The following PCDH9 variants were observed in gnomAD, a reference collection of about 807,000 sequenced individuals.
PCDH9 encodes the protein protocadherin-9.
PCDH9 carries 24 observed loss-of-function variants against 70.6 expected under a neutral mutation model. That is an observed-to-expected ratio of 0.34 (90% CI 0.25 to 0.48). The LOEUF (loss-of-function observed/expected upper bound fraction) is 0.48. Ranked by LOEUF, PCDH9 falls within the 20% of genes least tolerant of loss-of-function variation. PCDH9 has a pLI of 0.99. For synonymous variants in PCDH9, 562 were observed against 558.5 expected, an observed-to-expected ratio of 1.01 and a Z score of -0.09; for missense variants, 1,281 against 1,503.6, an observed-to-expected ratio of 0.85 and a Z score of 2.45.
chr13:66,608,637 C>A (rs946245081), intron 4 of PCDH9, among the ~76,000 whole-genome samples: 4 of 151,722 alleles, frequency 2.6e-5, no homozygotes, highest in African/African-American at 9.7e-5. Context: ...ACCCTAAAGG[C>A]TAATAGAAGA....
intron 3 of PCDH9, among the ~76,000 whole-genome samples, chr13:66,813,038 A>G (rs1035639174): frequency 2.6e-5 from 4 of 152,198 alleles, no homozygotes; most frequent in Non-Finnish European, 5.9e-5. Flanking sequence ...CCTCACACCC[A>G]TGAGTGCAAA....
intron 2 of PCDH9, among the ~76,000 whole-genome samples, chr13:66,932,659 C>CATATATATATATATATATATATAT (rs199791250): frequency 1.4e-3 from 178 of 130,278 alleles, no homozygotes; most frequent in South Asian, 7.3e-3. Flanking sequence ...TAAATCCTCA[C>CATATATATATATATATATATATAT]ATATATATAT....
At chr13:66,419,716 A>T in intron 4 of PCDH9, among the ~76,000 whole-genome samples, 1 of 151,894 alleles carries the variant, frequency 6.6e-6, no homozygotes, top group East Asian at 1.9e-4. Flanking sequence ...TTCAAGCACA[A>T]AACTGGGCAG....
chr13:66,722,273 G>A (rs1325053586), intron 3 of PCDH9, among the ~76,000 whole-genome samples: 1 of 152,108 alleles, frequency 6.6e-6, no homozygotes, highest in Non-Finnish European at 1.5e-5. Flanking sequence ...ATAATTGTAT[G>A]GTTAGAACAT....
chr13:66,713,549 A>G (rs1273157108), intron 3 of PCDH9, among the ~76,000 whole-genome samples: 2 of 149,040 alleles, frequency 1.3e-5, no homozygotes, highest in Non-Finnish European at 3.0e-5. Flanking sequence ...ATTCTTTAAG[A>G]TCATCTCTGC....
At chr13:66,854,982 A>C (rs1004633584) in intron 3 of PCDH9, among the ~76,000 whole-genome samples, 5 of 152,094 alleles carry the variant, frequency 3.3e-5, no homozygotes, top group African/African-American at 1.2e-4. Flanking sequence ...GCTTGAGGTG[A>C]CTTTATAGAA....
At chr13:66,823,599 C>A (rs1239137581) in intron 3 of PCDH9, among the ~76,000 whole-genome samples, 1 of 151,946 alleles carries the variant, frequency 6.6e-6, no homozygotes, top group Non-Finnish European at 1.5e-5. Flanking sequence ...TCTCCTAGGA[C>A]ATCTTTATAT....
chr13:66,691,243 G>T (rs2078480744), intron 3 of PCDH9, among the ~76,000 whole-genome samples: 1 of 151,964 alleles, frequency 6.6e-6, no homozygotes, highest in East Asian at 1.9e-4. Context: ...TCACCATGTT[G>T]GTCAGGCTGG....
chr13:66,861,530 T>C (rs2081484372), intron 3 of PCDH9, among the ~76,000 whole-genome samples: 1 of 152,138 alleles, frequency 6.6e-6, no homozygotes, highest in African/African-American at 2.4e-5. Context: ...AGTTTTACTC[T>C]CCCACTGGCA....
chr13:66,738,686 G>A (rs377250904), intron 3 of PCDH9, among the ~76,000 whole-genome samples: 27 of 149,274 alleles, frequency 1.8e-4, no homozygotes, highest in South Asian at 4.3e-4. Context: ...CGAGAACTAC[G>A]TGAAGAATGC....
Position 66,526,507 on chromosome 13 carries a change from ATC to A in PCDH9, c.3340+104701_3340+104702del, listed in dbSNP as rs67724900. 6.1e-4 allele frequency among the ~76,000 whole-genome samples: 91 copies of A among 149,180 alleles called. 1 individual carries two copies. The highest frequency in any genetic ancestry group is 2.2e-3 in the East Asian group (11 of 4,996). On this transcript the variant is annotated intron_variant, in intron 4 of 4. Coordinates refer to ENST00000377865, the MANE Select transcript of PCDH9 (RefSeq NM_203487.3). ...ATGTTTACTTATACAATGCTTTGAA[ATC>A]TCTCTCTCTCTCTCTCTCTCTCTGT...
At chr13:66,639,100 A>G (rs924500685) in intron 3 of PCDH9, among the ~76,000 whole-genome samples, 5 of 152,228 alleles carry the variant, frequency 3.3e-5, no homozygotes, top group African/African-American at 1.2e-4. Flanking sequence ...GGTGCAGATG[A>G]TAACTGGCCA....
At position 66,813,049 on chromosome 13, in the gene PCDH9, T is replaced by C. The variant is rs79728055; in HGVS notation, c.3138+90455A>G. Among the ~76,000 whole-genome samples the C allele has an allele frequency of 9.3e-4, 141 of 152,256 alleles. 1 individual carries two copies. Among genetic ancestry groups the C allele is most frequent in the African/African-American group, 3.3e-3 (138 of 41,564 alleles). On this transcript the variant is annotated intron_variant, in intron 3 of 4. Coordinates refer to ENST00000377865, the MANE Select transcript of PCDH9 (RefSeq NM_203487.3). ...AATTCCTCACACCCATGAGTGCAAA[T>C]TGTTCATCTGGAACTGTTCATTTTC...
chr13:66,934,752 G>A (rs1246816441), intron 2 of PCDH9, among the ~76,000 whole-genome samples: 1 of 98,440 alleles, frequency 1.0e-5, no homozygotes, highest in Non-Finnish European at 1.8e-5. Flanking sequence ...ACGGAGTCTC[G>A]CTCTGTCGCC....
At position 66,873,940 on chromosome 13, in the gene PCDH9, C is replaced by CTT. The variant is rs528441546; in HGVS notation, c.3138+29562_3138+29563dup. Among the ~76,000 whole-genome samples, 296 of 111,142 alleles carry CTT rather than the reference C, an allele frequency of 2.7e-3. 5 individuals carry two copies. Among genetic ancestry groups the CTT allele is most frequent in the African/African-American group, 5.3e-3 (159 of 30,190 alleles). 72.9% of individuals were successfully genotyped at this position (111,142 alleles called of 152,430 possible). A position where few individuals can be genotyped will look rare whatever the true frequency, so the allele number is the denominator to read the frequency against. Reference sequence around the variant, plus strand: ...TTTCTTTTTTTTTTTTTCTTTCTTTCTTTTTTTTTTTTTTATGAGATAGCG... The same window carrying CTT: ...TTTCTTTTTTTTTTTTTCTTTCTTTCTTTTTTTTTTTTTTTTATGAGATAGCG... On this transcript the variant is annotated intron_variant, in intron 3 of 4. Transcript: ENST00000377865.
intron 3 of PCDH9, among the ~76,000 whole-genome samples, chr13:66,879,881 C>A (rs1204493795): frequency 6.6e-6 from 1 of 151,952 alleles, no homozygotes. Flanking sequence ...TGAAATAAGA[C>A]ATCCTTTAGA....
intron 2 of PCDH9, chr13:67,224,924 T>C: frequency 1.0e-6 from 1 of 999,470 alleles, no homozygotes; most frequent in South Asian, 4.4e-5. Context: ...CTATCCTGTT[T>C]AGAGACTAAA....
chr13:67,197,348 T>C (rs764050835), intron 2 of PCDH9, among the ~76,000 whole-genome samples: 77 of 152,092 alleles, frequency 5.1e-4, no homozygotes, highest in Non-Finnish European at 9.7e-4. Context: ...TTAGCCATTA[T>C]TAGACAAGGA....
chr13:66,481,522 A>G (rs1319425981), intron 4 of PCDH9, among the ~76,000 whole-genome samples: 1 of 152,236 alleles, frequency 6.6e-6, no homozygotes, highest in African/African-American at 2.4e-5. Flanking sequence ...TTAATAGACT[A>G]CAGTGTAGTG....
Sources: gnomAD v4.1 joint callset for allele counts (sites outside exome capture counted in the v4.1 genomes callset) on GRCh38, gnomAD v4.1.1 for gene constraint, MANE v1.5 for transcripts, NCBI Gene and HGNC (gene_info 2026-07-23, HGNC 2026-07-21) for gene names.